The following COLEC12 variants were observed in gnomAD, a reference collection of about 807,000 sequenced individuals.
COLEC12 encodes collectin-12.
In COLEC12, 33 loss-of-function variants were observed where a neutral mutation model predicts 71.1. That is an observed-to-expected ratio of 0.46 (90% CI 0.35 to 0.62). The LOEUF is 0.62. Among genes scored for constraint, COLEC12 ranks in the 20% least tolerant of loss-of-function variants. COLEC12 has a pLI of 0.00. For synonymous variants in COLEC12, 350 were observed against 353.0 expected (o/e 0.99, Z 0.10); for missense variants, 765 against 916.1 (o/e 0.84, Z 2.13).
intron 2 of COLEC12, among the ~76,000 whole-genome samples, chr18:360,520 G>GTGATGC (rs59329972): frequency 0.085 from 12,932 of 152,010 alleles, 700 homozygotes; most frequent in African/African-American, 0.15. Context: ...AAGTTCCCAG[G>GTGATGC]TGATGCTGAT....
intron 2 of COLEC12, among the ~76,000 whole-genome samples, chr18:442,030 CA>C (rs1323577784): frequency 6.6e-6 from 1 of 150,892 alleles, no homozygotes; most frequent in East Asian, 1.9e-4. Context: ...CACACACACA[CA>C]CACACACACA....
intron 2 of COLEC12, among the ~76,000 whole-genome samples, chr18:371,396 G>A (rs79423730): frequency 0.035 from 5,254 of 152,210 alleles, 118 homozygotes; most frequent in East Asian, 0.069. Flanking sequence ...AGATCCATCT[G>A]TTTCTACTCC....
In COLEC12 at chr18:346,812, G is replaced by T. The variant is rs2143473148; in HGVS notation, c.810C>A (p.Ala270=). ...EKVQSLQTLA[A]NNSALAKANN... Reference sequence around the variant, plus strand: ...TGGCTTTGGCCAACGCAGAGTTGTTGGCAGCCAGCGTCTGCAAGCTCTGCA... The same window carrying T: ...TGGCTTTGGCCAACGCAGAGTTGTTTGCAGCCAGCGTCTGCAAGCTCTGCA... The change falls in exon 5 of 10, where the codon GCC becomes GCA. Residue 270 remains alanine (A), a synonymous_variant. Transcript: ENST00000400256. The surrounding 1 kb of genome is among the most constrained non-coding windows in gnomAD (Gnocchi z 4.0). The T allele has an allele frequency of 6.2e-7, 1 of 1,614,078 alleles. No homozygotes were observed. The highest frequency in any genetic ancestry group is 1.6e-4 in the Middle Eastern group (1 of 6,062).
chr18:464,727 G>C (rs1396978702), intron 2 of COLEC12, among the ~76,000 whole-genome samples: 1 of 152,112 alleles, frequency 6.6e-6, no homozygotes, highest in Admixed American at 6.5e-5. Flanking sequence ...TCAATCCCAG[G>C]GTCCAGCATC....
chr18:385,068 T>C (rs1052793814), intron 2 of COLEC12, among the ~76,000 whole-genome samples: 4 of 152,216 alleles, frequency 2.6e-5, no homozygotes, highest in Admixed American at 2.6e-4. Context: ...GCTGTTTACA[T>C]GGTTGTCCAA....
intron 2 of COLEC12, among the ~76,000 whole-genome samples, chr18:360,837 G>C (rs577072298): frequency 6.6e-6 from 1 of 152,192 alleles, no homozygotes; most frequent in South Asian, 2.1e-4. Flanking sequence ...AAATAAACTT[G>C]TTTATTATAA....
rs1913945804 is a variant in COLEC12, at chr18:330,417, T to C, written c.2063+1251A>G. Among the ~76,000 whole-genome samples the C allele has an allele frequency of 2.6e-5, 4 of 152,000 alleles. No homozygotes were observed. In the South Asian group the frequency reaches 8.3e-4, roughly 32 times the overall value. ...TCAGAAGGTGCTTCCAATGCGGTGATGCTCCTGTGCCTGGTGGAGCCCTGC... is the reference window on the plus strand; with the variant it reads ...TCAGAAGGTGCTTCCAATGCGGTGACGCTCCTGTGCCTGGTGGAGCCCTGC... On this transcript the variant is annotated intron_variant, in intron 8 of 9. Transcript: ENST00000400256.
intron 2 of COLEC12, among the ~76,000 whole-genome samples, chr18:467,921 A>C: frequency 6.6e-6 from 1 of 152,080 alleles, no homozygotes; most frequent in East Asian, 1.9e-4. Flanking sequence ...TAAAGATACA[A>C]AATATTTATT....
Position 333,137 on chromosome 18 carries a change from G to C in COLEC12, c.1823C>G (p.Pro608Arg), listed in dbSNP as rs139504960. The change falls in exon 7 of 10, where the codon CCG becomes CGG. Residue 608 changes from proline (P) to arginine (R), a missense_variant. By Grantham distance (103) the Pro-to-Arg change is moderately radical. Transcript: ENST00000400256. ...GTCTGTGAAGTTCTTCCAGTGAGGC[G>C]GGCAGCCTAGGAATGCAAAAGTGGA... ...PTPAPEDNGC[P>R]PHWKNFTDKC... The C allele has an allele frequency of 6.2e-7, 1 of 1,601,448 alleles. No homozygotes were observed. Among genetic ancestry groups the C allele is most frequent in the Admixed American group, 1.8e-5 (1 of 56,560 alleles).
chr18:463,205 G>T (rs575945916), intron 2 of COLEC12, among the ~76,000 whole-genome samples: 1 of 152,124 alleles, frequency 6.6e-6, no homozygotes, highest in Non-Finnish European at 1.5e-5. Flanking sequence ...ACTTACCCTT[G>T]GCAAAGTAGT....
intron 2 of COLEC12, among the ~76,000 whole-genome samples, chr18:428,333 A>G (rs1182268677): frequency 6.6e-6 from 1 of 152,100 alleles, no homozygotes; most frequent in Non-Finnish European, 1.5e-5. Flanking sequence ...GCCTTGTTCT[A>G]TGCACTGGGA....
In COLEC12 at chr18:426,841, G is replaced by A. The variant is rs574570788; in HGVS notation, c.58+53866C>T. ...AGATGAAAAGACAGAGGTTCCGAAGGATTCGATAACTTGCTCAAGATCCCA... is the reference window on the plus strand; with the variant it reads ...AGATGAAAAGACAGAGGTTCCGAAGAATTCGATAACTTGCTCAAGATCCCA... On this transcript the variant is annotated intron_variant, in intron 2 of 9. Transcript: ENST00000400256. Among the ~76,000 whole-genome samples, 14 of 152,284 alleles carry A rather than the reference G, an allele frequency of 9.2e-5. No individual in the cohort carries two copies. In the South Asian group the frequency reaches 2.7e-3, roughly 29 times the overall value.
At chr18:412,372 T>C (rs1915908679) in intron 2 of COLEC12, among the ~76,000 whole-genome samples, 1 of 150,938 alleles carries the variant, frequency 6.6e-6, no homozygotes, top group Non-Finnish European at 1.5e-5. Flanking sequence ...AGCAAAAATA[T>C]CCTTCAGAAA....
At chr18:471,338 C>CT (rs916308812) in intron 2 of COLEC12, among the ~76,000 whole-genome samples, 36 of 145,446 alleles carry the variant, frequency 2.5e-4, no homozygotes, top group African/African-American at 4.2e-4. Flanking sequence ...CATTTTTTTT[C>CT]TTTTTTTTTT....
intron 2 of COLEC12, among the ~76,000 whole-genome samples, chr18:474,326 G>A (rs569585512): frequency 6.6e-6 from 1 of 152,292 alleles, no homozygotes; most frequent in Admixed American, 6.5e-5. Flanking sequence ...GAAATCACCT[G>A]GCACATAATA....
intron 2 of COLEC12, among the ~76,000 whole-genome samples, chr18:464,104 C>T (rs1039260394): frequency 2.0e-5 from 3 of 152,146 alleles, no homozygotes; most frequent in African/African-American, 7.2e-5. Context: ...ACTGCTGCTG[C>T]GCTTCTCCTT....
Position 394,015 on chromosome 18 carries a change from G to A in COLEC12, c.59-36493C>T, listed in dbSNP as rs569884060. Among the ~76,000 whole-genome samples the A allele has an allele frequency of 4.6e-5, 7 of 152,294 alleles. No individual in the cohort carries two copies. In the South Asian group the frequency reaches 6.2e-4, roughly 14 times the overall value. ...GGAGGTCCCGGGTGCAGGTGGTGGCGTCTGTCTTAGAGAAGACCCCAATCT... is the reference window on the plus strand; with the variant it reads ...GGAGGTCCCGGGTGCAGGTGGTGGCATCTGTCTTAGAGAAGACCCCAATCT... On this transcript the variant is annotated intron_variant, in intron 2 of 9. Transcript: ENST00000400256.
chr18:322,408 C>T (rs955440968), intron 8 of COLEC12, among the ~76,000 whole-genome samples: 16 of 152,216 alleles, frequency 1.1e-4, no homozygotes, highest in African/African-American at 3.9e-4. Flanking sequence ...GAAATAGTAA[C>T]TTAATCTTAC....
intron 3 of COLEC12, among the ~76,000 whole-genome samples, chr18:349,888 T>C (rs909354973): frequency 8.5e-5 from 13 of 152,254 alleles, no homozygotes; most frequent in Admixed American, 7.2e-4. Flanking sequence ...ACCCAATACC[T>C]GTAACCCTCA....
Sources: allele counts gnomAD v4.1 joint callset (sites outside exome capture counted in the v4.1 genomes callset), GRCh38; gene constraint gnomAD v4.1.1; non-coding constraint Gnocchi (gnomAD v3.1); transcripts MANE v1.5; gene names NCBI Gene and HGNC (gene_info 2026-07-23, HGNC 2026-07-21).